The following CDKN2A variants were observed in gnomAD, a reference collection of about 807,000 sequenced individuals.
CDKN2A encodes the protein cyclin-dependent kinase inhibitor 2A.
CDKN2A carries 3 observed loss-of-function variants against 11.1 expected under a neutral mutation model. The observed-to-expected ratio is 0.27, with a 90% CI of 0.12 to 0.70. The LOEUF (loss-of-function observed/expected upper bound fraction) is 0.70, where lower values mean the gene tolerates loss of function less well. CDKN2A is among the 30% of genes least tolerant of loss of function. The pLI, the probability that CDKN2A is intolerant of heterozygous loss-of-function variation, is 0.77. For synonymous variants in CDKN2A, 122 were observed against 108.1 expected (o/e 1.13, Z -0.80); for missense variants, 265 against 233.6 (o/e 1.13, Z -0.88).
In CDKN2A at chr9:21,968,766, T is replaced by C. The variant is rs1390902532; in HGVS notation, c.458-524A>G. The C allele has an allele frequency of 1.3e-6, 2 of 1,535,994 alleles. No homozygotes were observed. Among genetic ancestry groups the C allele is most frequent in the Admixed American group, 3.9e-5 (2 of 50,972 alleles). Reference sequence around the variant, plus strand: ...CTACAAACCCACAAATGGTTTCCGATCATTTCTGAAACAAAATGGATGCTC... The same window carrying C: ...CTACAAACCCACAAATGGTTTCCGACCATTTCTGAAACAAAATGGATGCTC... On this transcript the variant is annotated intron_variant, in intron 2 of 2. Transcript: ENST00000304494. The surrounding 1 kb of genome is among the most constrained non-coding windows in gnomAD (Gnocchi z 4.7).
rs866884222 is a variant in CDKN2A at position 21,968,474 on chromosome 9, C to T, written c.458-232G>A. On this transcript the variant is annotated intron_variant, in intron 2 of 2. Transcript: ENST00000304494. The surrounding 1 kb of genome is among the most constrained non-coding windows in gnomAD (Gnocchi z 4.7). ...CAGGCGCGCCGACCGCTCAAGCGCT[C>T]CAGGTCCACCCGGCGGAGGGCAGAG... The T allele has an allele frequency of 1.4e-6, 2 of 1,465,856 alleles. No homozygotes were observed. The highest frequency in any genetic ancestry group is 1.4e-5 in the South Asian group (1 of 70,478). The allele number at this position is 1,465,856 out of a possible 1,614,324, so 90.8% of individuals were successfully genotyped here.
Position 21,993,567 on chromosome 9 carries a change from G to T in CDKN2A, c.-4+315C>A, listed in dbSNP as rs562725993. Reference sequence around the variant, plus strand: ...GTTGGCTGCAAAACTCCCCCAAGAAGCAAGTGCTTGCTCCTCGCAGCAGTA... The same window carrying T: ...GTTGGCTGCAAAACTCCCCCAAGAATCAAGTGCTTGCTCCTCGCAGCAGTA... On this transcript the variant is annotated intron_variant, in intron 2 of 3. Transcript: ENST00000494262. 2.6e-5 allele frequency among the ~76,000 whole-genome samples: 4 copies of T among 152,270 alleles called. No individual in the cohort carries two copies. The South Asian group carries it at 8.3e-4, about 32-fold the overall frequency.
At chr9:21,993,407 C>G (rs1820484396) in intron 2 of CDKN2A, among the ~76,000 whole-genome samples, 1 of 152,190 alleles carries the variant, frequency 6.6e-6, no homozygotes, top group Non-Finnish European at 1.5e-5. Flanking sequence ...GACTAAAATA[C>G]TATCAGTTGG....
chr9:21,983,157 A>T (rs926284444), intron 2 of CDKN2A, among the ~76,000 whole-genome samples: 1 of 152,054 alleles, frequency 6.6e-6, no homozygotes, highest in Admixed American at 6.6e-5. Flanking sequence ...AGAAATTTGG[A>T]ACTCAAAGAC....
chr9:21,970,921 A>T lies in CDKN2A; in HGVS notation c.438T>A (p.Asp146Glu), dbSNP rs1819681602. The change falls in exon 2 of 3, where the codon GAT becomes GAA. Residue 146 changes from aspartate (D) to glutamate (E), a missense_variant. Asp to Glu is a conservative substitution (Grantham distance 45). Transcript: ENST00000304494. ...CCTCACCTGAGGGACCTTCCGCGGCATCTATGCGGGCATGGTTACTGCCTC... is the reference window on the plus strand; with the variant it reads ...CCTCACCTGAGGGACCTTCCGCGGCTTCTATGCGGGCATGGTTACTGCCTC... Reference protein sequence around the residue: ...GTRGSNHARIDAAEGPSDIPD With the variant: ...GTRGSNHARIEAAEGPSDIPD 6.2e-7 allele frequency: 1 copy of T among 1,612,438 alleles called. No homozygotes were observed. Among genetic ancestry groups the T allele is most frequent in the Non-Finnish European group, 8.5e-7 (1 of 1,180,018 alleles).
chr9:21,972,875 T>C (rs1479387245), intron 1 of CDKN2A, among the ~76,000 whole-genome samples: 1 of 152,174 alleles, frequency 6.6e-6, no homozygotes, highest in Non-Finnish European at 1.5e-5. Flanking sequence ...TTGAGGATGG[T>C]GGTGTTAAAG....
chr9:21,993,409 A>G (rs1256713423), intron 2 of CDKN2A, among the ~76,000 whole-genome samples: 1 of 152,156 alleles, frequency 6.6e-6, no homozygotes, highest in Non-Finnish European at 1.5e-5. Context: ...CTAAAATACT[A>G]TCAGTTGGGA....
chr9:21,990,649 A>AGAGAGAGAGAGAGAGAGAGAGAGAGAGG (rs1396090431), intron 2 of CDKN2A, among the ~76,000 whole-genome samples: 33 of 150,342 alleles, frequency 2.2e-4, no homozygotes, highest in Non-Finnish European at 3.4e-4. Flanking sequence ...AGAGAGAGAG[A>AGAGAGAGAGAGAGAGAGAGAGAGAGAGG]GAAACTGTTT....
rs1408906423 is a variant in CDKN2A at position 21,968,576 on chromosome 9, A to G, written c.458-334T>C. On this transcript the variant is annotated intron_variant, in intron 2 of 2. Transcript: ENST00000304494. The surrounding 1 kb of genome is among the most constrained non-coding windows in gnomAD (Gnocchi z 4.7). ...TAATGAGTCTCAGTGGTTGCTCACA[A>G]TGCCAGGCGCGAAGGCGTGAAGATG... 3 of 1,466,348 alleles carry G rather than the reference A, an allele frequency of 2.0e-6. No homozygotes were observed. Among genetic ancestry groups the G allele is most frequent in the African/African-American group, 1.4e-5 (1 of 70,540 alleles). 90.8% of individuals were successfully genotyped at this position (1,466,348 alleles called of 1,614,324 possible).
intron 1 of CDKN2A, among the ~76,000 whole-genome samples, chr9:21,973,785 C>T (rs1043890175): frequency 1.3e-5 from 2 of 152,186 alleles, no homozygotes; most frequent in Non-Finnish European, 2.9e-5. Flanking sequence ...ATGAATGTGG[C>T]TCATTATTTC....
intron 2 of CDKN2A, among the ~76,000 whole-genome samples, chr9:21,986,482 C>T (rs1820299390): frequency 6.6e-6 from 1 of 151,878 alleles, no homozygotes; most frequent in African/African-American, 2.4e-5. Context: ...AGAGATGGAA[C>T]TGAAACCATA....
At chr9:21,969,725 C>T (rs1489661858) in intron 2 of CDKN2A, 1 of 398,276 alleles carries the variant, frequency 2.5e-6, no homozygotes, top group Non-Finnish European at 4.4e-6. Context: ...AAATCGGGAC[C>T]CGGATGCTAG....
In CDKN2A at chr9:21,971,226, A is replaced by C; in HGVS notation, c.151-18T>G. On this transcript the variant is annotated intron_variant, in intron 1 of 2. Coordinates refer to ENST00000304494, the MANE Select transcript of CDKN2A (RefSeq NM_000077.5). ...ATCATGACCTGCCAGAGAGAACAGA[A>C]TGGTCAGAGCCAGGGTGGGGGCCGG... is the stretch of plus-strand genomic sequence containing the variant. 6.3e-7 allele frequency: 1 copy of C among 1,594,622 alleles called. No homozygotes were observed. The highest frequency in any genetic ancestry group is 8.5e-7 in the Non-Finnish European group (1 of 1,177,948).
Position 21,974,010 on chromosome 9 carries a change from C to G in CDKN2A, c.150+668G>C, listed in dbSNP as rs921594750. Among the ~76,000 whole-genome samples, 7 of 152,160 alleles carry G rather than the reference C, an allele frequency of 4.6e-5. No homozygotes were observed. Among genetic ancestry groups the G allele is most frequent in the Admixed American group, 4.6e-4 (7 of 15,278 alleles). On this transcript the variant is annotated intron_variant, in intron 1 of 2. Coordinates refer to ENST00000304494, the MANE Select transcript of CDKN2A (RefSeq NM_000077.5). This position sits in a 1 kb window ranked among gnomAD's most constrained non-coding sequence, Gnocchi z 5.2. ...GGTTCAAGCGATTCTCCTGCCTCAACCTCCCGAGTAGCTGGGATTACAGGC... is the reference window on the plus strand; with the variant it reads ...GGTTCAAGCGATTCTCCTGCCTCAAGCTCCCGAGTAGCTGGGATTACAGGC...
chr9:21,971,452 T>A, intron 1 of CDKN2A: 1 of 1,254,904 alleles, frequency 8.0e-7, no homozygotes, highest in Non-Finnish European at 1.1e-6. Flanking sequence ...GAGAGCACTG[T>A]GAGGCACGGG....
intron 1 of CDKN2A, chr9:21,994,593 C>T (rs142723833): frequency 0.014 from 10,937 of 795,648 alleles, 99 homozygotes; most frequent in Non-Finnish European, 0.017. Flanking sequence ...GCGGGAAGGG[C>T]TGCCGGAGGC....
chr9:21,987,953 T>C (rs1468441004), intron 2 of CDKN2A, among the ~76,000 whole-genome samples: 1 of 152,216 alleles, frequency 6.6e-6, no homozygotes, highest in Non-Finnish European at 1.5e-5. Context: ...TTTCTGAACG[T>C]GAACCCCAGA....
rs1820359982 is a variant in CDKN2A, at chr9:21,988,828, G to A, written c.-4+5054C>T. Among the ~76,000 whole-genome samples the A allele has an allele frequency of 6.6e-6, 1 of 152,112 alleles. No individual in the cohort carries two copies. The highest frequency in any genetic ancestry group is 1.5e-5 in the Non-Finnish European group (1 of 68,026). ...ATGTACAAGGCACTGTGCTATATCT[G>A]GAACTACAAATATTAGTTAAATAGT... On this transcript the variant is annotated intron_variant, in intron 2 of 3. Transcript: ENST00000494262. The surrounding 1 kb of genome is among the most constrained non-coding windows in gnomAD (Gnocchi z 4.1).
intron 2 of CDKN2A, among the ~76,000 whole-genome samples, chr9:21,981,931 G>A (rs1820206903): frequency 6.6e-6 from 1 of 152,126 alleles, no homozygotes. Context: ...AAACAGATTT[G>A]CTAAGAAAAA....
Sources: allele counts gnomAD v4.1 joint callset (sites outside exome capture counted in the v4.1 genomes callset), GRCh38; gene constraint gnomAD v4.1.1; non-coding constraint Gnocchi (gnomAD v3.1); transcripts MANE v1.5; gene names NCBI Gene and HGNC (gene_info 2026-07-23, HGNC 2026-07-21).